RIMS2: variants seen among roughly 807,000 people sequenced by gnomAD.
The protein encoded by RIMS2 is regulating synaptic membrane exocytosis 2, also known as regulating synaptic membrane exocytosis protein 2.
Under a neutral mutation model 174.4 loss-of-function variants are expected in RIMS2, and 59 were observed. The observed-to-expected ratio is 0.34, with a 90% CI of 0.27 to 0.42. The LOEUF is 0.42. Among genes scored for constraint, RIMS2 ranks in the 10% least tolerant of loss-of-function variants. The probability of loss-of-function intolerance (pLI) is 1.00; values close to 1 mark genes in which losing one functional copy is unlikely to be tolerated. For missense variants in RIMS2, 1,620 were observed against 1,666.3 expected (o/e 0.97, Z 0.48); for synonymous variants, 606 against 572.5 (o/e 1.06, Z -0.84).
intron 3 of RIMS2, among the ~76,000 whole-genome samples, chr8:103,826,339 A>G (rs74533108): frequency 0.16 from 23,746 of 150,788 alleles, 1,985 homozygotes; most frequent in Middle Eastern, 0.24. Flanking sequence ...TTTTCCTTCC[A>G]GAAGCTTGAG....
At chr8:103,906,163 T>C (rs2074364072) in intron 4 of RIMS2, among the ~76,000 whole-genome samples, 1 of 152,194 alleles carries the variant, frequency 6.6e-6, no homozygotes, top group Admixed American at 6.5e-5. Flanking sequence ...AATTATCTTA[T>C]TCTTACAGGG....
At chr8:104,039,033 G>A (rs974302823) in intron 19 of RIMS2, among the ~76,000 whole-genome samples, 2 of 150,978 alleles carry the variant, frequency 1.3e-5, no homozygotes, top group Middle Eastern at 3.4e-3. Context: ...TATAAATTTT[G>A]TACTTCCTGA....
Position 103,659,298 on chromosome 8 carries a change from A to G in RIMS2, c.177-37788A>G, listed in dbSNP as rs943277052. Among the ~76,000 whole-genome samples the G allele has an allele frequency of 3.3e-5, 5 of 152,150 alleles. No homozygotes were observed. The East Asian group carries it at 9.7e-4, about 29-fold the overall frequency. ...TAGTGTAGAGAAAATGCTGGCCACC[A>G]ACCCGGGCAAGACCCCAATCAGCCT... On this transcript the variant is annotated intron_variant, in intron 1 of 23. Coordinates refer to ENST00000504942, the Ensembl canonical transcript of RIMS2.
intron 3 of RIMS2, among the ~76,000 whole-genome samples, chr8:103,790,538 T>G (rs559063534): frequency 6.6e-6 from 1 of 152,334 alleles, no homozygotes; most frequent in Non-Finnish European, 1.5e-5. Flanking sequence ...GCCTTATGAA[T>G]AATGCTATTA....
chr8:103,557,827 C>A (rs1052947017), intron 1 of RIMS2, among the ~76,000 whole-genome samples: 2 of 152,094 alleles, frequency 1.3e-5, no homozygotes, highest in Non-Finnish European at 2.9e-5. Context: ...GTACATAAAT[C>A]AAGCATAACA....
intron 19 of RIMS2, among the ~76,000 whole-genome samples, chr8:104,065,726 G>A (rs2097094617): frequency 6.6e-6 from 1 of 152,152 alleles, no homozygotes; most frequent in South Asian, 2.1e-4. Context: ...TTTGCTGACT[G>A]AAATAGTCGT....
intron 19 of RIMS2, among the ~76,000 whole-genome samples, chr8:104,235,860 A>C (rs2099255565): frequency 6.6e-6 from 1 of 152,092 alleles, no homozygotes; most frequent in Admixed American, 6.6e-5. Flanking sequence ...TTCCGTATCC[A>C]ATTTCTTCAG....
intron 6 of RIMS2, among the ~76,000 whole-genome samples, chr8:103,915,116 A>C (rs555925131): frequency 1.2e-4 from 18 of 152,200 alleles, no homozygotes; most frequent in African/African-American, 4.1e-4. Context: ...AGAAACAAAA[A>C]TTTTGTATTA....
At chr8:103,778,208 C>A (rs115092696) in intron 3 of RIMS2, among the ~76,000 whole-genome samples, 1,667 of 151,916 alleles carry the variant, frequency 0.011, 45 homozygotes, top group African/African-American at 0.039. Context: ...TATGTAAAGA[C>A]CAAATCAAGG....
intron 19 of RIMS2, among the ~76,000 whole-genome samples, chr8:104,097,573 G>A (rs1388542653): frequency 1.3e-5 from 2 of 150,562 alleles, no homozygotes; most frequent in African/African-American, 2.5e-5. Flanking sequence ...CAGCATAGTA[G>A]CATCACCAGA....
chr8:103,571,209 T>C (rs531974895), intron 1 of RIMS2, among the ~76,000 whole-genome samples: 2 of 152,326 alleles, frequency 1.3e-5, no homozygotes, highest in Non-Finnish European at 2.9e-5. Context: ...AAGTGTTTAT[T>C]GAATGAATAA....
At chr8:104,006,231 G>T (rs1022935640) in intron 17 of RIMS2, among the ~76,000 whole-genome samples, 5 of 151,670 alleles carry the variant, frequency 3.3e-5, no homozygotes, top group Non-Finnish European at 7.4e-5. Context: ...TTATTTCTCC[G>T]CAAATTACTG....
At position 103,851,644 on chromosome 8, in the gene RIMS2, TACACACACACACACAC is replaced by T. The variant is rs10529078; in HGVS notation, c.699-33620_699-33605del. Among the ~76,000 whole-genome samples, 879 of 136,598 alleles carry T rather than the reference TACACACACACACACAC, an allele frequency of 6.4e-3. 12 individuals are homozygous for T. The highest frequency in any genetic ancestry group is 0.021 in the African/African-American group (778 of 36,834). 89.6% of individuals were successfully genotyped at this position (136,598 alleles called of 152,430 possible). ...TGCCTGTGTCTATAGGAATGCTATG[TACACACACACACACAC>T]ACACACACACACACACACACACACA... On this transcript the variant is annotated intron_variant, in intron 3 of 23. Transcript: ENST00000504942.
intron 2 of RIMS2, among the ~76,000 whole-genome samples, chr8:103,723,428 G>A (rs1354175163): frequency 6.6e-6 from 1 of 152,228 alleles, no homozygotes; most frequent in Non-Finnish European, 1.5e-5. Context: ...CCATGGGCAG[G>A]CTTGCTGCTG....
chr8:103,946,521 A>T (rs1453215145), intron 14 of RIMS2, among the ~76,000 whole-genome samples: 1 of 152,122 alleles, frequency 6.6e-6, no homozygotes, highest in African/African-American at 2.4e-5. Context: ...CAAAAACAAA[A>T]CAACAAAAAA....
exon 17 of RIMS2, chr8:103,989,338 C>T: frequency 6.2e-7 from 1 of 1,613,076 alleles, no homozygotes; most frequent in Non-Finnish European, 8.5e-7. Flanking sequence ...GAGGGACCCG[C>T]ACTATGACCG....
chr8:103,588,690 A>G (rs1156607407), intron 1 of RIMS2, among the ~76,000 whole-genome samples: 1 of 152,002 alleles, frequency 6.6e-6, no homozygotes. Context: ...TGGTGCTGGA[A>G]AAACTGGATA....
intron 19 of RIMS2, among the ~76,000 whole-genome samples, chr8:104,094,246 T>G (rs2097714286): frequency 6.6e-6 from 1 of 152,058 alleles, no homozygotes; most frequent in Admixed American, 6.6e-5. Context: ...CCTTTTTTCA[T>G]GTAATTTTGT....
At chr8:103,893,209 T>G (rs549712953) in intron 4 of RIMS2, among the ~76,000 whole-genome samples, 1 of 152,196 alleles carries the variant, frequency 6.6e-6, no homozygotes, top group South Asian at 2.1e-4. Context: ...AAACATGAAA[T>G]AAGATAGCAT....
Sources: gnomAD v4.1 joint callset for allele counts (sites outside exome capture counted in the v4.1 genomes callset) on GRCh38, gnomAD v4.1.1 for gene constraint, MANE v1.5 for transcripts, NCBI Gene and HGNC (gene_info 2026-07-23, HGNC 2026-07-21) for gene names.